The following AP3S2 variants were observed in gnomAD, a reference collection of about 807,000 sequenced individuals.
The protein encoded by AP3S2 is adaptor related protein complex 3 subunit sigma 2.
AP3S2 carries 22 observed loss-of-function variants against 23.4 expected under a neutral mutation model. That is an observed-to-expected ratio of 0.94 (90% CI 0.67 to 1.34). The LOEUF (loss-of-function observed/expected upper bound fraction) is 1.34. Among genes scored for constraint, AP3S2 ranks in the 40% most tolerant of loss-of-function variants. The probability of loss-of-function intolerance (pLI) is 0.00; values close to 1 mark genes in which losing one functional copy is unlikely to be tolerated. For missense variants in AP3S2, 241 were observed against 236.9 expected (o/e 1.02, Z -0.11); for synonymous variants, 86 against 87.1 (o/e 0.99, Z 0.07).
intron 4 of AP3S2, among the ~76,000 whole-genome samples, chr15:89,850,003 G>A (rs1895605836): frequency 6.6e-6 from 1 of 152,132 alleles, no homozygotes. Context: ...CAAAGGACAT[G>A]AACTCATCCT....
chr15:89,881,425 A>G (rs1248697672), intron 3 of AP3S2, among the ~76,000 whole-genome samples: 1 of 152,242 alleles, frequency 6.6e-6, no homozygotes, highest in Non-Finnish European at 1.5e-5. Flanking sequence ...ACGCAGATTT[A>G]CTTATTTGTT....
At chr15:89,864,369 T>C (rs1301281856) in intron 4 of AP3S2, among the ~76,000 whole-genome samples, 1 of 152,172 alleles carries the variant, frequency 6.6e-6, no homozygotes, top group East Asian at 1.9e-4. Flanking sequence ...TTGATAAATT[T>C]TAACATCCTT....
intron 3 of AP3S2, among the ~76,000 whole-genome samples, chr15:89,873,438 C>T (rs1330332843): frequency 1.3e-5 from 2 of 152,070 alleles, no homozygotes; most frequent in East Asian, 3.9e-4. Flanking sequence ...GCATGCACCA[C>T]CACGCCTGGC....
At chr15:89,843,252 G>T (rs1385100725) in intron 4 of AP3S2, among the ~76,000 whole-genome samples, 1 of 151,972 alleles carries the variant, frequency 6.6e-6, no homozygotes, top group African/African-American at 2.4e-5. Context: ...CCAAAGTGCT[G>T]GGATTACAAG....
intron 4 of AP3S2, among the ~76,000 whole-genome samples, chr15:89,847,012 C>T (rs573611486): frequency 5.3e-5 from 8 of 152,200 alleles, no homozygotes; most frequent in South Asian, 2.1e-4. Flanking sequence ...CATCCTCCAT[C>T]CCTTGAAGGT....
chr15:89,835,963 G>A (rs1396959696), intron 5 of AP3S2, among the ~76,000 whole-genome samples: 1 of 152,132 alleles, frequency 6.6e-6, no homozygotes, highest in Non-Finnish European at 1.5e-5. Context: ...AGAAGGCGGA[G>A]GTTGCGGTGA....
chr15:89,878,147 G>A, intron 3 of AP3S2: 1 of 515,576 alleles, frequency 1.9e-6, no homozygotes, highest in East Asian at 3.3e-5. Context: ...TTCGTTAGAA[G>A]ATCTTGCCAC....
intron 4 of AP3S2, among the ~76,000 whole-genome samples, chr15:89,868,584 C>T (rs1896223798): frequency 1.5e-5 from 2 of 132,672 alleles, no homozygotes; most frequent in South Asian, 2.5e-4. Flanking sequence ...CAGCCCTCCA[C>T]CCGGCCAGCC....
intron 4 of AP3S2, among the ~76,000 whole-genome samples, chr15:89,858,503 G>GAAAGAA (rs1895909358): frequency 1.8e-5 from 1 of 57,104 alleles, no homozygotes; most frequent in African/African-American, 6.5e-5. Context: ...AAGAGAGAGA[G>GAAAGAA]AGAGAGAGAG....
At chr15:89,885,731 G>A (rs1409650824) in intron 3 of AP3S2, among the ~76,000 whole-genome samples, 1 of 151,808 alleles carries the variant, frequency 6.6e-6, no homozygotes, top group Admixed American at 6.6e-5. Context: ...TGCCTGAGCT[G>A]AGATGTTCGA....
At chr15:89,866,452 C>T (rs985026808) in intron 4 of AP3S2, among the ~76,000 whole-genome samples, 4 of 151,684 alleles carry the variant, frequency 2.6e-5, no homozygotes, top group Admixed American at 1.3e-4. Context: ...CCTAAGTTTC[C>T]AGGTGTTGGG....
intron 3 of AP3S2, among the ~76,000 whole-genome samples, chr15:89,886,218 G>A (rs1336446103): frequency 6.6e-6 from 1 of 152,012 alleles, no homozygotes; most frequent in African/African-American, 2.4e-5. Context: ...GCATGTGCCT[G>A]TAATCCCAGC....
intron 2 of AP3S2, 150 bp downstream of exon 2, chr15:89,888,899 A>T: frequency 1.1e-6 from 1 of 897,288 alleles, no homozygotes; most frequent in South Asian, 1.7e-5. Context: ...CGCCCCAAAG[A>T]GAATTGTGTC....
intron 4 of AP3S2, among the ~76,000 whole-genome samples, chr15:89,849,618 T>C (rs967476694): frequency 1.3e-4 from 20 of 152,098 alleles, no homozygotes; most frequent in African/African-American, 4.3e-4. Context: ...CTGCCCACCT[T>C]GGCCTCCCAA....
At chr15:89,891,287 T>C (rs1017363505) in intron 1 of AP3S2, among the ~76,000 whole-genome samples, 2 of 152,192 alleles carry the variant, frequency 1.3e-5, no homozygotes, top group African/African-American at 4.8e-5. Flanking sequence ...AAAAATCCTA[T>C]GATCCAAAGA....
At chr15:89,855,945 T>TAAAAAAAAAAAAAAAAAAAAAAAAAAA in intron 4 of AP3S2, among the ~76,000 whole-genome samples, 1 of 111,986 alleles carries the variant, frequency 8.9e-6, no homozygotes, top group Non-Finnish European at 1.8e-5. Context: ...ATATGTCCTT[T>TAAAAAAAAAAAAAAAAAAAAAAAAAAA]AAAAAAAAAA....
At chr15:89,855,834 G>T (rs1002678424) in intron 4 of AP3S2, among the ~76,000 whole-genome samples, 4 of 135,860 alleles carry the variant, frequency 2.9e-5, no homozygotes, top group African/African-American at 1.1e-4. Flanking sequence ...TGGGCAACAA[G>T]AGGGAAACTC....
chr15:89,874,961 T>C (rs919972052), intron 3 of AP3S2, among the ~76,000 whole-genome samples: 1 of 152,132 alleles, frequency 6.6e-6, no homozygotes, highest in Admixed American at 6.5e-5. Context: ...CAGTTATCCT[T>C]TGGGGGAAAA....
At chr15:89,867,854 G>T (rs1464747738) in intron 4 of AP3S2, among the ~76,000 whole-genome samples, 1 of 127,854 alleles carries the variant, frequency 7.8e-6, no homozygotes, top group Non-Finnish European at 1.7e-5. Context: ...CTCTCCGCCC[G>T]GCAGCCACCC....
Sources: gnomAD v4.1 joint callset for allele counts (sites outside exome capture counted in the v4.1 genomes callset) on GRCh38, gnomAD v4.1.1 for gene constraint, MANE v1.5 for transcripts, NCBI Gene and HGNC (gene_info 2026-07-23, HGNC 2026-07-21) for gene names.